The following EVC2 variants were observed in gnomAD, a reference collection of about 807,000 sequenced individuals.
EVC2 encodes the protein limbin.
EVC2 carries 148 observed loss-of-function variants against 149.3 expected under a neutral mutation model. That is an observed-to-expected ratio of 0.99 (90% confidence interval 0.87 to 1.14). The LOEUF (loss-of-function observed/expected upper bound fraction) is 1.14. Among genes scored for constraint, EVC2 ranks in the 50% most tolerant of loss-of-function variants. The probability of loss-of-function intolerance (pLI) is 0.00; values close to 1 mark genes in which losing one functional copy is unlikely to be tolerated. For missense variants in EVC2, 1,854 were observed against 1,627.3 expected (o/e 1.14, Z -2.40); for synonymous variants, 776 against 649.9 (o/e 1.19, Z -2.95).
At chr4:5,700,080 C>T (rs1721732352) in intron 1 of EVC2, among the ~76,000 whole-genome samples, 1 of 152,090 alleles carries the variant, frequency 6.6e-6, no homozygotes, top group Admixed American at 6.5e-5. Flanking sequence ...GCAGAGGTTG[C>T]AGTGAGTGGA....
chr4:5,542,172 T>G (rs1721525983), downstream of EVC2, among the ~76,000 whole-genome samples: 1 of 152,112 alleles, frequency 6.6e-6, no homozygotes, highest in African/African-American at 2.4e-5. Flanking sequence ...TGTTTGCAGG[T>G]AGGGTGTGGT....
intron 16 of EVC2, among the ~76,000 whole-genome samples, chr4:5,593,172 A>G (rs1488589369): frequency 1.3e-5 from 2 of 151,996 alleles, no homozygotes; most frequent in Admixed American, 6.6e-5. Context: ...ATTATAAATC[A>G]CCCAGTCTCG....
intron 13 of EVC2, among the ~76,000 whole-genome samples, chr4:5,623,592 G>A (rs1715894476): frequency 2.0e-5 from 3 of 152,142 alleles, no homozygotes; most frequent in East Asian, 1.9e-4. Flanking sequence ...TACCCACCTC[G>A]GCCTCCTAAA....
chr4:5,588,357 T>C (rs980861508), intron 16 of EVC2, among the ~76,000 whole-genome samples: 8 of 152,216 alleles, frequency 5.3e-5, no homozygotes, highest in African/African-American at 1.4e-4. Flanking sequence ...TTGATTATGA[T>C]GCACCTTAGA....
At chr4:5,632,568 C>G (rs1270693283) in intron 10 of EVC2, among the ~76,000 whole-genome samples, 2 of 152,210 alleles carry the variant, frequency 1.3e-5, no homozygotes, top group African/African-American at 4.8e-5. Context: ...GTGGGTCATG[C>G]TGTCAGGCTC....
At chr4:5,602,253 G>A (rs1714038956) in intron 16 of EVC2, among the ~76,000 whole-genome samples, 1 of 140,472 alleles carries the variant, frequency 7.1e-6, no homozygotes, top group Non-Finnish European at 1.5e-5. Context: ...CTGTGCCACT[G>A]CACTCAACCC....
chr4:5,665,775 G>C (rs1215207432), intron 7 of EVC2, 126 bp from the exon 8 acceptor site: 5 of 1,426,140 alleles, frequency 3.5e-6, no homozygotes, highest in South Asian at 1.2e-5. Context: ...TTTGAGTCTC[G>C]CTCTGCCAGC....
intron 16 of EVC2, among the ~76,000 whole-genome samples, chr4:5,598,518 G>C (rs1713666871): frequency 6.6e-6 from 1 of 152,172 alleles, no homozygotes; most frequent in South Asian, 2.1e-4. Flanking sequence ...CTAGTCATAT[G>C]GAAAAAGCTG....
chr4:5,530,215 T>C, the EVC2 span, among the ~76,000 whole-genome samples: 1 of 152,170 alleles, frequency 6.6e-6, no homozygotes, highest in Admixed American at 6.5e-5. Flanking sequence ...CTCGGATGGA[T>C]GCCAGGCTTC....
chr4:5,615,993 T>C (rs937644729), intron 15 of EVC2, among the ~76,000 whole-genome samples: 8 of 152,202 alleles, frequency 5.3e-5, no homozygotes, highest in Non-Finnish European at 1.2e-4. Flanking sequence ...CAGAGCCACG[T>C]TGGCGGACAG....
At chr4:5,680,433 AG>A (rs1720262482) in intron 7 of EVC2, among the ~76,000 whole-genome samples, 1 of 152,198 alleles carries the variant, frequency 6.6e-6, no homozygotes, top group African/African-American at 2.4e-5. Context: ...ACTAGGTGAC[AG>A]GAATTTTTCA....
At chr4:5,598,474 T>C (rs540476983) in intron 16 of EVC2, among the ~76,000 whole-genome samples, 1 of 152,164 alleles carries the variant, frequency 6.6e-6, no homozygotes. Context: ...GGGGAAAGGA[T>C]TCCCTATTTA....
chr4:5,669,130 T>C (rs1296610253), intron 7 of EVC2, among the ~76,000 whole-genome samples: 2 of 152,186 alleles, frequency 1.3e-5, no homozygotes, highest in East Asian at 3.9e-4. Flanking sequence ...GGAAGATGCT[T>C]CTCCAGGGTC....
rs545040292 is a variant in EVC2 at position 5,571,821 on chromosome 4, A to G, written c.3360+2864T>C. Reference sequence around the variant, plus strand: ...TGTTTTGGGATGAGATTAACATGTAAATTGGTGGACTCTGAGGGAAGTCGA... The same window carrying G: ...TGTTTTGGGATGAGATTAACATGTAGATTGGTGGACTCTGAGGGAAGTCGA... On this transcript the variant is annotated intron_variant, in intron 19 of 21. Transcript: ENST00000344408. Among the ~76,000 whole-genome samples, 10 of 152,278 alleles carry G rather than the reference A, an allele frequency of 6.6e-5. No individual in the cohort carries two copies. The South Asian group carries it at 2.1e-3, about 32-fold the overall frequency.
At chr4:5,651,606 A>C (rs1315015419) in intron 9 of EVC2, among the ~76,000 whole-genome samples, 1 of 152,234 alleles carries the variant, frequency 6.6e-6, no homozygotes, top group East Asian at 1.9e-4. Flanking sequence ...TGAAGGTTAG[A>C]TGACAATCAT....
At chr4:5,654,655 G>A (rs1296724502) in intron 9 of EVC2, among the ~76,000 whole-genome samples, 3 of 152,226 alleles carry the variant, frequency 2.0e-5, no homozygotes, top group Non-Finnish European at 4.4e-5. Context: ...CCTGGAGTGA[G>A]GAGAATCCTA....
Position 5,568,429 on chromosome 4 carries a change from C to G in EVC2, c.3557+15G>C, listed in dbSNP as rs1722438316. ...AGGGACGTGCCCCGGGAGGCAGCCC[C>G]TCCACGGCACTCACCTCCGCCTGCC... is the stretch of plus-strand genomic sequence containing the variant. On this transcript the variant is annotated intron_variant, in intron 20 of 21. Coordinates refer to ENST00000344408, the MANE Select transcript of EVC2 (RefSeq NM_147127.5). The G allele has an allele frequency of 1.9e-6, 3 of 1,543,648 alleles. No homozygotes were observed. The highest frequency in any genetic ancestry group is 2.6e-6 in the Non-Finnish European group (3 of 1,151,072).
rs35103377 is a variant in EVC2, at chr4:5,628,743, T to TA, written c.1711-10dup. 0.013 allele frequency: 16,819 copies of TA among 1,342,094 alleles called. 44 individuals carry two copies. The highest frequency in any genetic ancestry group is 0.046 in the African/African-American group (3,310 of 71,966). 83.1% of individuals were successfully genotyped at this position (1,342,094 alleles called of 1,614,324 possible). A position where few individuals can be genotyped will look rare whatever the true frequency, so the allele number is the denominator to read the frequency against. ...AACTCTTCTACATTCTCCTGTCAAT[T>TA]AAAAAAAAAAACAAGAAAATATGCC... On this transcript the variant is annotated splice_polypyrimidine_tract_variant and intron_variant, in intron 11 of 21. Coordinates refer to ENST00000344408, the MANE Select transcript of EVC2 (RefSeq NM_147127.5).
intron 7 of EVC2, among the ~76,000 whole-genome samples, chr4:5,666,529 C>A (rs182644921): frequency 2.4e-4 from 36 of 152,262 alleles, no homozygotes; most frequent in Admixed American, 2.0e-3. Flanking sequence ...TTTTTCATGG[C>A]CTATCTTTTT....
Sources: allele counts gnomAD v4.1 joint callset (sites outside exome capture counted in the v4.1 genomes callset), GRCh38; gene constraint gnomAD v4.1.1; transcripts MANE v1.5; gene names NCBI Gene and HGNC (gene_info 2026-07-23, HGNC 2026-07-21).